TMEM223: variants seen among roughly 807,000 people sequenced by gnomAD.
The protein encoded by TMEM223 is transmembrane protein 223.
Under a neutral mutation model 14.1 loss-of-function variants are expected in TMEM223, and 14 were observed. The ratio of observed to expected loss-of-function variants is 0.99; its 90% confidence interval spans 0.66 to 1.55. TMEM223 has a LOEUF of 1.55. TMEM223 is among the 40% of genes most tolerant of loss of function. The pLI, the probability that TMEM223 is intolerant of heterozygous loss-of-function variation, is 0.00. For missense variants in TMEM223, 346 were observed against 269.9 expected (o/e 1.28, Z -1.97); for synonymous variants, 145 against 120.5 (o/e 1.20, Z -1.33).
downstream of TMEM223, chr11:62,786,286 C>A: frequency 6.2e-7 from 1 of 1,614,124 alleles, no homozygotes; most frequent in East Asian, 2.2e-5. Context: ...TGTACCCACA[C>A]CTGTCCACCT....
chr11:62,776,696 C>G (rs2084190785), intron 1 of TMEM223, among the ~76,000 whole-genome samples: 1 of 151,946 alleles, frequency 6.6e-6, no homozygotes, highest in Non-Finnish European at 1.5e-5. Context: ...ACTAAAAATA[C>G]AGAAATTAGC....
At chr11:62,778,617 TCA>T (rs1309673185) in intron 1 of TMEM223, 2 of 612,398 alleles carry the variant, frequency 3.3e-6, no homozygotes, top group Non-Finnish European at 5.8e-6. Flanking sequence ...GAGCAGAGCT[TCA>T]CAGAGCCTGA....
At chr11:62,778,313 G>A in intron 1 of TMEM223, 1 of 1,614,192 alleles carries the variant, frequency 6.2e-7, no homozygotes, top group Non-Finnish European at 8.5e-7. Context: ...ATGGCAAAGG[G>A]AACCTGGCAC....
intron 1 of TMEM223, chr11:62,778,877 GC>G: frequency 6.2e-7 from 1 of 1,614,050 alleles, no homozygotes; most frequent in Non-Finnish European, 8.5e-7. Context: ...AGTGCCCAGT[GC>G]TGTGTCTTCA....
At chr11:62,783,643 T>G (rs1324383378), downstream of TMEM223, among the ~76,000 whole-genome samples, 1 of 151,678 alleles carries the variant, frequency 6.6e-6, no homozygotes, top group Non-Finnish European at 1.5e-5. Flanking sequence ...TAAGCAATTC[T>G]TCCACCTCAC....
At chr11:62,773,744 A>T (rs1321901805) in intron 2 of TMEM223, among the ~76,000 whole-genome samples, 1 of 152,102 alleles carries the variant, frequency 6.6e-6, no homozygotes, top group Non-Finnish European at 1.5e-5. Context: ...CACTGGGTCC[A>T]GCTACAAATT....
At chr11:62,787,308 C>T (rs563444016), downstream of TMEM223, 12 of 1,530,746 alleles carry the variant, frequency 7.8e-6, no homozygotes, top group Middle Eastern at 1.7e-4. Context: ...TCAGTGGCCC[C>T]TTCGTTCCTT....
At chr11:62,784,691 A>G (rs928682658), downstream of TMEM223, among the ~76,000 whole-genome samples, 12 of 152,188 alleles carry the variant, frequency 7.9e-5, no homozygotes, top group Admixed American at 2.0e-4. Flanking sequence ...AAGGCTTTTC[A>G]GCTTTTGTTT....
At chr11:62,774,763 A>G (rs1427226705) in intron 1 of TMEM223, 3 of 394,998 alleles carry the variant, frequency 7.6e-6, no homozygotes, top group African/African-American at 6.2e-5. Flanking sequence ...AGCCTGGCCA[A>G]CATGGCGAAA....
chr11:62,790,918 G>A lies in TMEM223; in HGVS notation c.317-3C>T, dbSNP rs752869042. ...ACCAGCACCGAGTACGAGGGCTCCT[G>A]CAGGCAGGGCAGAGATTGGGGTGAG... On this transcript the variant is annotated splice_region_variant and splice_polypyrimidine_tract_variant and intron_variant, in intron 1 of 1. Transcript: ENST00000307366. 29 of 1,561,064 alleles carry A rather than the reference G, an allele frequency of 1.9e-5. No homozygotes were observed. In the Admixed American group the frequency reaches 4.6e-4, roughly 25 times the overall value.
downstream of TMEM223, chr11:62,787,028 CCCGGCAGCAGGGCCCCGGGA>C: frequency 6.6e-7 from 1 of 1,504,534 alleles, no homozygotes; most frequent in East Asian, 2.7e-5. Context: ...CGCGGGGCAC[CCCGGCAGCAGGGCCCCGGGA>C]CCGGCACCCG....
chr11:62,779,658 AT>A (rs2084212862), intron 1 of TMEM223, among the ~76,000 whole-genome samples: 1 of 150,468 alleles, frequency 6.6e-6, no homozygotes, highest in South Asian at 2.1e-4. Context: ...TTTATTTATT[AT>A]TTTAATTAAA....
downstream of TMEM223, among the ~76,000 whole-genome samples, chr11:62,784,230 C>T (rs1365567924): frequency 6.7e-6 from 1 of 149,854 alleles, no homozygotes; most frequent in African/African-American, 2.4e-5. Flanking sequence ...CCTCGTGTTC[C>T]GCCCGCCTCG....
downstream of TMEM223, chr11:62,787,891 G>A: frequency 1.8e-6 from 1 of 550,748 alleles, no homozygotes; most frequent in South Asian, 1.5e-5. Flanking sequence ...GAGCTTTGTC[G>A]AGAAATAAAG....
At chr11:62,789,337 C>T (rs145627530), downstream of TMEM223, 23 of 1,613,868 alleles carry the variant, frequency 1.4e-5, no homozygotes, top group South Asian at 3.3e-5. Context: ...CAGCTATAGC[C>T]GTCTTCCTGG....
In TMEM223 at chr11:62,790,799, C is replaced by T. The variant is rs750271322; in HGVS notation, c.433G>A (p.Ala145Thr). 11 of 1,606,330 alleles carry T rather than the reference C, an allele frequency of 6.8e-6. No individual in the cohort carries two copies. The African/African-American group carries it at 1.3e-4, about 20-fold the overall frequency. ...LTTHAPFGLG[A>T]HFTVPLKQVS... is the part of the protein sequence containing the mutation. ...TGCTTCAAAGGAACTGTGAAATGGGCCCCCAAGCCAAAGGGGGCATGAGTG... is the reference window on the plus strand; with the variant it reads ...TGCTTCAAAGGAACTGTGAAATGGGTCCCCAAGCCAAAGGGGGCATGAGTG... The change falls in exon 2 of 2, where the codon GCC becomes ACC. Residue 145 changes from alanine to threonine, a missense_variant. By Grantham distance (58) the Ala-to-Thr change is moderately conservative (BLOSUM62 0). Coordinates refer to ENST00000307366, the MANE Select transcript of TMEM223 (RefSeq NM_001080501.3).
rs766785585 is a variant in TMEM223 at position 62,790,635 on chromosome 11, G to A, written c.597C>T (p.Tyr199=). ...TKLFDNTVGA[Y]RSL is the part of the protein sequence containing the mutation. ...TGAGGTCATTTCTTCACAAGCTCCG[G>A]TAGGCACCCACAGTATTGTCAAAGA... Residue 199 remains tyrosine (Y), a synonymous_variant, in exon 2 of 2, where the codon TAC becomes TAT. Transcript: ENST00000307366. 3.7e-6 allele frequency: 6 copies of A among 1,608,266 alleles called. No homozygotes were observed. In the African/African-American group the frequency reaches 5.3e-5, roughly 14 times the overall value.
At chr11:62,784,619 T>C (rs2084257139), downstream of TMEM223, among the ~76,000 whole-genome samples, 1 of 152,196 alleles carries the variant, frequency 6.6e-6, no homozygotes, top group Admixed American at 6.5e-5. Flanking sequence ...ATTCTTAATT[T>C]TATCATCAAT....
downstream of TMEM223, chr11:62,789,229 G>T: frequency 6.2e-7 from 1 of 1,613,922 alleles, no homozygotes; most frequent in Non-Finnish European, 8.5e-7. Flanking sequence ...CTAACCCTGA[G>T]GGCCAGGGGC....
Sources: allele counts gnomAD v4.1 joint callset (sites outside exome capture counted in the v4.1 genomes callset), GRCh38; gene constraint gnomAD v4.1.1; transcripts MANE v1.5; gene names NCBI Gene and HGNC (gene_info 2026-07-23, HGNC 2026-07-21).